HERC3: variants seen among roughly 807,000 people sequenced by gnomAD.
HERC3 encodes probable E3 ubiquitin-protein ligase HERC3.
Under a neutral mutation model 129.9 loss-of-function variants are expected in HERC3, and 58 were observed. The ratio of observed to expected loss-of-function variants is 0.45; its 90% CI spans 0.36 to 0.56. The LOEUF (loss-of-function observed/expected upper bound fraction) is 0.56, where lower values mean the gene tolerates loss of function less well. HERC3 is among the 20% of genes least tolerant of loss of function. HERC3 has a pLI of 0.00. For synonymous variants in HERC3, 430 were observed against 451.0 expected (o/e 0.95, Z 0.59); for missense variants, 835 against 1,244.2 (o/e 0.67, Z 4.95).
At chr4:88,699,797 T>C (rs895153919) in intron 23 of HERC3, among the ~76,000 whole-genome samples, 1 of 152,214 alleles carries the variant, frequency 6.6e-6, no homozygotes, top group African/African-American at 2.4e-5. Flanking sequence ...TCTCAACAGA[T>C]CTTAAAACTT....
At chr4:88,577,388 T>C in the HERC3 span, among the ~76,000 whole-genome samples, 4 of 152,124 alleles carry the variant, frequency 2.6e-5, no homozygotes, top group Non-Finnish European at 4.4e-5. Flanking sequence ...GTTACTTACA[T>C]AGATCAGGGA....
intron 1 of HERC3, among the ~76,000 whole-genome samples, chr4:88,594,252 A>G (rs1445289326): frequency 6.6e-6 from 1 of 152,232 alleles, no homozygotes; most frequent in East Asian, 1.9e-4. Flanking sequence ...TAAGATTTGT[A>G]TGACCAATTA....
At chr4:88,541,985 G>C in the HERC3 span, among the ~76,000 whole-genome samples, 1 of 152,104 alleles carries the variant, frequency 6.6e-6, no homozygotes, top group African/African-American at 2.4e-5. Context: ...GTGCCCACAG[G>C]AGAAAGCAGG....
At chr4:88,619,711 G>T (rs142469961) in intron 3 of HERC3, among the ~76,000 whole-genome samples, 1 of 152,254 alleles carries the variant, frequency 6.6e-6, no homozygotes, top group East Asian at 1.9e-4. Context: ...GACGTTGCCA[G>T]ACAAAGATTT....
intron 10 of HERC3, among the ~76,000 whole-genome samples, chr4:88,660,899 T>A (rs564227599): frequency 4.5e-4 from 69 of 152,286 alleles, no homozygotes; most frequent in South Asian, 8.3e-4. Flanking sequence ...TATTGAACGC[T>A]CCCATGGTGA....
chr4:88,649,418 G>T (rs950356968), intron 3 of HERC3, among the ~76,000 whole-genome samples: 9 of 152,122 alleles, frequency 5.9e-5, no homozygotes, highest in African/African-American at 9.7e-5. Flanking sequence ...GTTTGTATGT[G>T]GGGGGAGAGG....
At chr4:88,654,309 T>C (rs1454260954) in intron 7 of HERC3, among the ~76,000 whole-genome samples, 176 bp downstream of exon 7, 1 of 148,018 alleles carries the variant, frequency 6.8e-6, no homozygotes, top group East Asian at 2.0e-4. Context: ...TACTTTTTTG[T>C]ATGTCTCTGT....
the HERC3 span, among the ~76,000 whole-genome samples, chr4:88,557,969 G>T: frequency 4.0e-5 from 6 of 150,834 alleles, no homozygotes; most frequent in African/African-American, 1.5e-4. Flanking sequence ...TACTCAGGAG[G>T]CCGAGGCAGG....
intron 3 of HERC3, among the ~76,000 whole-genome samples, chr4:88,646,308 TATG>T (rs1277174122): frequency 6.6e-6 from 1 of 152,140 alleles, no homozygotes; most frequent in Non-Finnish European, 1.5e-5. Context: ...ATTAAAAAAT[TATG>T]ATGGGCTCAA....
chr4:88,601,752 A>G (rs1395108420), intron 2 of HERC3, among the ~76,000 whole-genome samples: 4 of 152,164 alleles, frequency 2.6e-5, no homozygotes, highest in African/African-American at 9.7e-5. Context: ...TTTAAGAAGT[A>G]TGATTAGAAA....
chr4:88,590,887 C>CTTTTTTTTTTTTTTTTTTTTTTCTTTT (rs11333423), upstream of HERC3, among the ~76,000 whole-genome samples: 1 of 137,734 alleles, frequency 7.3e-6, no homozygotes, highest in Non-Finnish European at 1.6e-5. Flanking sequence ...CTTTTTCTTT[C>CTTTTTTTTTTTTTTTTTTTTTTCTTTT]TTTTTTTTTT....
chr4:88,543,185 G>T, the HERC3 span, among the ~76,000 whole-genome samples: 2 of 152,088 alleles, frequency 1.3e-5, no homozygotes, highest in Non-Finnish European at 2.9e-5. Context: ...AAATTTAGAA[G>T]ATCCCCTCAT....
Position 88,594,434 on chromosome 4 carries a change from C to T in HERC3, c.-87-1123C>T, listed in dbSNP as rs763807965. 1.1e-3 allele frequency among the ~76,000 whole-genome samples: 161 copies of T among 152,240 alleles called. 1 individual carries two copies. Among genetic ancestry groups the T allele is most frequent in the Non-Finnish European group, 1.8e-3 (122 of 68,016 alleles). On this transcript the variant is annotated intron_variant, in intron 1 of 25. Transcript: ENST00000402738. ...TCTTTTCTTTCGAGATGGGGGGTCTCGCTCTGTTGCACAGGCTGGAGTGCA... is the reference window on the plus strand; with the variant it reads ...TCTTTTCTTTCGAGATGGGGGGTCTTGCTCTGTTGCACAGGCTGGAGTGCA...
chr4:88,530,064 C>T, the HERC3 span, among the ~76,000 whole-genome samples: 5 of 151,872 alleles, frequency 3.3e-5, no homozygotes, highest in African/African-American at 4.8e-5. Context: ...CTGAGGCAGG[C>T]GGATCACCTG....
At chr4:88,645,803 T>C (rs1011828738) in intron 3 of HERC3, among the ~76,000 whole-genome samples, 6 of 152,184 alleles carry the variant, frequency 3.9e-5, no homozygotes, top group African/African-American at 1.2e-4. Flanking sequence ...ATTTTTGCAC[T>C]GCACTGATCG....
chr4:88,664,105 TA>T, intron 11 of HERC3, 47 bp from the exon 12 acceptor site: 1 of 1,500,014 alleles, frequency 6.7e-7, no homozygotes, highest in Non-Finnish European at 9.2e-7. Context: ...AATAACCATT[TA>T]TTTGTAATTA....
the HERC3 span, among the ~76,000 whole-genome samples, chr4:88,578,135 A>C: frequency 6.6e-6 from 1 of 152,266 alleles, no homozygotes; most frequent in Admixed American, 6.5e-5. Flanking sequence ...ATATATAACA[A>C]GAATGAGAAA....
intron 3 of HERC3, among the ~76,000 whole-genome samples, chr4:88,647,721 A>G (rs181829231): frequency 6.6e-6 from 1 of 151,908 alleles, no homozygotes; most frequent in African/African-American, 2.4e-5. Flanking sequence ...GAATATATTT[A>G]TGCAAACTGT....
intron 19 of HERC3, among the ~76,000 whole-genome samples, chr4:88,678,348 G>C (rs1732392333): frequency 6.6e-6 from 1 of 152,202 alleles, no homozygotes; most frequent in Admixed American, 6.5e-5. Flanking sequence ...AAAGATTAGA[G>C]TGCTTTCTTT....
Sources: gnomAD v4.1 joint callset for allele counts (sites outside exome capture counted in the v4.1 genomes callset) on GRCh38, gnomAD v4.1.1 for gene constraint, MANE v1.5 for transcripts, NCBI Gene and HGNC (gene_info 2026-07-23, HGNC 2026-07-21) for gene names.